PALD1: variants seen among roughly 807,000 people sequenced by gnomAD.
PALD1 encodes the protein phosphatase domain containing paladin 1.
A neutral mutation model predicts 96.0 loss-of-function variants in PALD1; 57 were observed. The observed-to-expected ratio is 0.59, with a 90% CI of 0.48 to 0.74. The LOEUF (loss-of-function observed/expected upper bound fraction) is 0.74, where lower values mean the gene tolerates loss of function less well. PALD1 is among the 30% of genes least tolerant of loss of function. PALD1 has a pLI of 0.00. For synonymous variants in PALD1, 464 were observed against 473.6 expected, an observed-to-expected ratio of 0.98 and a Z score of 0.26; for missense variants, 1,063 against 1,143.7, an observed-to-expected ratio of 0.93 and a Z score of 1.02.
intron 1 of PALD1, among the ~76,000 whole-genome samples, chr10:70,501,927 C>T (rs746653636): frequency 6.9e-6 from 1 of 145,392 alleles, no homozygotes; most frequent in South Asian, 2.2e-4. Flanking sequence ...CCTGTAGTGT[C>T]TTTTTTTTTT....
At chr10:70,533,779 G>GTATCATTA in intron 7 of PALD1, 143 bp from the exon 8 acceptor site, 1 of 681,626 alleles carries the variant, frequency 1.5e-6, no homozygotes, top group Non-Finnish European at 2.3e-6. Flanking sequence ...GGCTTTGGCA[G>GTATCATTA]AAGAGGCCAA....
intron 17 of PALD1, among the ~76,000 whole-genome samples, chr10:70,543,074 T>G (rs1032103509): frequency 2.6e-5 from 4 of 151,678 alleles, no homozygotes; most frequent in Non-Finnish European, 4.4e-5. Flanking sequence ...TTTTTTTTTT[T>G]TTTTTGGATA....
chr10:70,556,058 C>T (rs1257561692), intron 18 of PALD1, among the ~76,000 whole-genome samples: 1 of 152,046 alleles, frequency 6.6e-6, no homozygotes, highest in Non-Finnish European at 1.5e-5. Context: ...GACATGGTTC[C>T]AATAAGTAAT....
the PALD1 span, among the ~76,000 whole-genome samples, chr10:70,463,493 C>T: frequency 1.3e-5 from 2 of 151,958 alleles, no homozygotes; most frequent in Non-Finnish European, 2.9e-5. Context: ...CGTAAAGTCT[C>T]CAGACATAAT....
chr10:70,461,036 C>A, the PALD1 span, among the ~76,000 whole-genome samples: 2 of 151,922 alleles, frequency 1.3e-5, no homozygotes, highest in African/African-American at 2.4e-5. Context: ...GCCTGAGCAA[C>A]AAGAGCAAAA....
At chr10:70,541,370 T>C in intron 16 of PALD1, 93 bp from the exon 17 acceptor site, 1 of 1,523,858 alleles carries the variant, frequency 6.6e-7, no homozygotes, top group Admixed American at 1.7e-5. Context: ...CCAGAGCCCC[T>C]TCCATCAGTC....
intron 18 of PALD1, among the ~76,000 whole-genome samples, chr10:70,551,669 T>A (rs554945765): frequency 6.6e-6 from 1 of 152,310 alleles, no homozygotes; most frequent in East Asian, 1.9e-4. Flanking sequence ...ACTTTAGTAA[T>A]AAGCAGTGAA....
intron 1 of PALD1, among the ~76,000 whole-genome samples, chr10:70,512,898 G>T (rs1846540319): frequency 6.6e-6 from 1 of 152,234 alleles, no homozygotes; most frequent in Non-Finnish European, 1.5e-5. Context: ...TTCATCAAGA[G>T]AAGCCGGAGA....
At chr10:70,517,480 T>G (rs916267176) in intron 1 of PALD1, among the ~76,000 whole-genome samples, 5 of 152,056 alleles carry the variant, frequency 3.3e-5, no homozygotes, top group African/African-American at 1.2e-4. Context: ...AAGCCGGGAC[T>G]ACAGGCATGT....
intron 18 of PALD1, among the ~76,000 whole-genome samples, chr10:70,555,184 A>G (rs965515375): frequency 3.3e-5 from 5 of 150,078 alleles, no homozygotes; most frequent in Non-Finnish European, 5.9e-5. Context: ...CATGTTTCCC[A>G]GGCTGGTCTC....
At chr10:70,465,610 T>C in the PALD1 span, among the ~76,000 whole-genome samples, 1 of 152,108 alleles carries the variant, frequency 6.6e-6, no homozygotes, top group Non-Finnish European at 1.5e-5. Flanking sequence ...CTAAGAAACA[T>C]ATTTACAGAG....
At chr10:70,549,994 C>T (rs1847448776) in intron 18 of PALD1, among the ~76,000 whole-genome samples, 1 of 152,226 alleles carries the variant, frequency 6.6e-6, no homozygotes, top group Non-Finnish European at 1.5e-5. Flanking sequence ...GCCCCAAGGC[C>T]CCTTGGAGGG....
chr10:70,535,622 CCTT>C (rs1847098903), intron 10 of PALD1, among the ~76,000 whole-genome samples: 1 of 145,252 alleles, frequency 6.9e-6, no homozygotes, highest in Non-Finnish European at 1.5e-5. Flanking sequence ...TCCTTCTCCT[CCTT>C]CTTCTCGTCT....
intron 18 of PALD1, among the ~76,000 whole-genome samples, chr10:70,557,670 C>T (rs988434187): frequency 4.6e-5 from 7 of 152,060 alleles, no homozygotes; most frequent in African/African-American, 1.4e-4. Context: ...CCACACGCAG[C>T]GGCTGGTGCT....
chr10:70,554,440 A>G (rs1436985993), intron 18 of PALD1, among the ~76,000 whole-genome samples: 4 of 147,074 alleles, frequency 2.7e-5, no homozygotes, highest in African/African-American at 9.9e-5. Context: ...AAACAAACAA[A>G]TAAACAAACA....
intron 11 of PALD1, 149 bp downstream of exon 11, chr10:70,538,055 C>A: frequency 1.4e-6 from 1 of 736,662 alleles, no homozygotes; most frequent in Non-Finnish European, 2.3e-6. Flanking sequence ...CGGGAGTAGT[C>A]CCTGAGCAGC....
chr10:70,470,997 T>G, the PALD1 span, among the ~76,000 whole-genome samples: 2 of 152,006 alleles, frequency 1.3e-5, no homozygotes, highest in Non-Finnish European at 2.9e-5. Context: ...TTGTGGTACT[T>G]TTAGTAGAGA....
At chr10:70,533,160 C>A in intron 7 of PALD1, 90 bp downstream of exon 7, 1 of 988,274 alleles carries the variant, frequency 1.0e-6, no homozygotes, top group Non-Finnish European at 1.6e-6. Flanking sequence ...TCGCCTTCCT[C>A]AGAGGAAGGC....
intron 2 of PALD1, among the ~76,000 whole-genome samples, chr10:70,527,364 G>A (rs1846889640): frequency 6.6e-6 from 1 of 152,224 alleles, no homozygotes; most frequent in African/African-American, 2.4e-5. Context: ...TTTTGGGGGT[G>A]TAGAATGTTT....
Sources: allele counts gnomAD v4.1 joint callset (sites outside exome capture counted in the v4.1 genomes callset), GRCh38; gene constraint gnomAD v4.1.1; transcripts MANE v1.5; gene names NCBI Gene and HGNC (gene_info 2026-07-23, HGNC 2026-07-21).